CLMN: variants seen among roughly 807,000 people sequenced by gnomAD.
CLMN encodes the protein calmin, also known as calmin (calponin-like, transmembrane).
Under a neutral mutation model 92.7 loss-of-function variants are expected in CLMN, and 57 were observed. The ratio of observed to expected loss-of-function variants is 0.61; its 90% confidence interval spans 0.50 to 0.77. CLMN has a LOEUF of 0.77. Ranked by LOEUF, CLMN falls within the 30% of genes least tolerant of loss-of-function variation. The pLI, the probability that CLMN is intolerant of heterozygous loss-of-function variation, is 0.00. For missense variants in CLMN, 1,158 were observed against 1,237.5 expected, an observed-to-expected ratio of 0.94 and a Z score of 0.96; for synonymous variants, 466 against 470.6, an observed-to-expected ratio of 0.99 and a Z score of 0.13.
At chr14:95,238,699 G>C (rs1023055415) in intron 1 of CLMN, among the ~76,000 whole-genome samples, 1 of 152,194 alleles carries the variant, frequency 6.6e-6, no homozygotes, top group Non-Finnish European at 1.5e-5. Flanking sequence ...AGGGCACAGA[G>C]TGAGTAACCT....
intron 2 of CLMN, among the ~76,000 whole-genome samples, chr14:95,227,761 C>A (rs1051189813): frequency 6.6e-6 from 1 of 152,182 alleles, no homozygotes; most frequent in Non-Finnish European, 1.5e-5. Context: ...ATAAACAGCA[C>A]CCCCAGGGCT....
chr14:95,245,212 A>T (rs1426774965), intron 1 of CLMN, among the ~76,000 whole-genome samples: 3 of 30,994 alleles, frequency 9.7e-5, no homozygotes, highest in Non-Finnish European at 1.5e-4. Flanking sequence ...TATATATTAT[A>T]TATATATATA....
chr14:95,193,040 A>G, intron 12 of CLMN: 1 of 348,644 alleles, frequency 2.9e-6, no homozygotes, highest in Non-Finnish European at 5.1e-6. Context: ...ATGGGGTTCT[A>G]ATGACCACAC....
At chr14:95,301,260 G>T (rs1450717992) in intron 1 of CLMN, among the ~76,000 whole-genome samples, 1 of 152,190 alleles carries the variant, frequency 6.6e-6, no homozygotes, top group African/African-American at 2.4e-5. Context: ...CGAGAGTGGG[G>T]ACAGCTCTTT....
intron 1 of CLMN, among the ~76,000 whole-genome samples, chr14:95,254,603 T>C (rs1471372147): frequency 2.0e-5 from 3 of 152,222 alleles, no homozygotes; most frequent in Admixed American, 6.5e-5. Flanking sequence ...TGACGTGTTA[T>C]GGGCTGAACG....
chr14:95,291,400 G>A (rs1040596238), intron 1 of CLMN, among the ~76,000 whole-genome samples: 1 of 152,222 alleles, frequency 6.6e-6, no homozygotes, highest in South Asian at 2.1e-4. Flanking sequence ...ACCTGGGACC[G>A]CATGCTGCCT....
intron 1 of CLMN, among the ~76,000 whole-genome samples, chr14:95,268,877 C>A (rs2140717029): frequency 7.0e-6 from 1 of 143,020 alleles, no homozygotes; most frequent in East Asian, 2.2e-4. Context: ...AATCTTGGCT[C>A]ACTGCAACCT....
intron 1 of CLMN, among the ~76,000 whole-genome samples, chr14:95,251,745 C>G (rs772490587): frequency 1.3e-5 from 2 of 152,232 alleles, no homozygotes; most frequent in Admixed American, 6.5e-5. Context: ...ATTGTGGGGC[C>G]TTTGCTGGTG....
At chr14:95,267,372 G>T (rs996748011) in intron 1 of CLMN, among the ~76,000 whole-genome samples, 1 of 152,106 alleles carries the variant, frequency 6.6e-6, no homozygotes, top group Non-Finnish European at 1.5e-5. Context: ...ATGGGCAAAG[G>T]ACACAAGTAG....
chr14:95,239,252 T>G (rs1369024413), intron 1 of CLMN, among the ~76,000 whole-genome samples: 3 of 152,110 alleles, frequency 2.0e-5, no homozygotes, highest in South Asian at 2.1e-4. Context: ...TTGATGACTA[T>G]ACTCAGGCAT....
At chr14:95,298,494 G>T (rs1465446293) in intron 1 of CLMN, among the ~76,000 whole-genome samples, 3 of 152,212 alleles carry the variant, frequency 2.0e-5, no homozygotes, top group Non-Finnish European at 4.4e-5. Flanking sequence ...GAGAGGGTCA[G>T]TCATACAAAG....
intron 6 of CLMN, among the ~76,000 whole-genome samples, chr14:95,212,935 G>C (rs1457439987): frequency 6.6e-6 from 1 of 151,820 alleles, no homozygotes; most frequent in Non-Finnish European, 1.5e-5. Context: ...ACAGGTGCCC[G>C]CCACCACGCC....
intron 1 of CLMN, among the ~76,000 whole-genome samples, chr14:95,247,482 C>T (rs541127527): frequency 6.6e-6 from 1 of 152,328 alleles, no homozygotes; most frequent in African/African-American, 2.4e-5. Context: ...TGCTGGTTGT[C>T]GGATCTCTGC....
intron 1 of CLMN, among the ~76,000 whole-genome samples, chr14:95,298,895 C>T (rs185774519): frequency 3.3e-5 from 5 of 152,328 alleles, no homozygotes; most frequent in African/African-American, 1.2e-4. Context: ...GTTCTCCCGA[C>T]TCTAAGGCAT....
rs191152554 is a variant in CLMN, at chr14:95,259,176, G to A, written c.83-29043C>T. Among the ~76,000 whole-genome samples, 118 of 152,170 alleles carry A rather than the reference G, an allele frequency of 7.8e-4. 1 individual carries two copies. The highest frequency in any genetic ancestry group is 2.8e-3 in the African/African-American group (118 of 41,482). On this transcript the variant is annotated intron_variant, in intron 1 of 12. Transcript: ENST00000298912. The surrounding 1 kb of genome is among the most constrained non-coding windows in gnomAD (Gnocchi z 4.3). Reference sequence around the variant, plus strand: ...AGTTGGTGCTGCATGGCAGGCTGGAGCGGAGAGCTGTGCCGGCCAGCAGGG... The same window carrying A: ...AGTTGGTGCTGCATGGCAGGCTGGAACGGAGAGCTGTGCCGGCCAGCAGGG...
At chr14:95,208,485 CTT>C (rs1897106788) in intron 8 of CLMN, among the ~76,000 whole-genome samples, 1 of 152,138 alleles carries the variant, frequency 6.6e-6, no homozygotes. Flanking sequence ...TGATCATTGT[CTT>C]TTATGATTTG....
At chr14:95,272,261 G>A (rs1899739905) in intron 1 of CLMN, among the ~76,000 whole-genome samples, 1 of 152,202 alleles carries the variant, frequency 6.6e-6, no homozygotes, top group Non-Finnish European at 1.5e-5. Context: ...CTGCCAGGAG[G>A]GTGTGGGCTG....
chr14:95,208,668 G>T (rs569038207), intron 8 of CLMN, among the ~76,000 whole-genome samples: 1 of 152,152 alleles, frequency 6.6e-6, no homozygotes, highest in Non-Finnish European at 1.5e-5. Flanking sequence ...CTTAATGCAC[G>T]TTACATGTAA....
chr14:95,221,758 G>T lies in CLMN; in HGVS notation c.257C>A (p.Ser86Tyr), dbSNP rs780094622. ...SGRNLLHEYK[S>Y]SSHRIFRLNN... ...CAACCGAAAAATACGATGCGACGAG[G>T]ATTTGTATTCGTGCAGCTATAAAAC... The change falls in exon 4 of 13, where the codon TCC becomes TAC. Residue 86 changes from serine to tyrosine, a missense_variant. Ser to Tyr is a moderately radical substitution (Grantham distance 144). Coordinates refer to ENST00000298912, the MANE Select transcript of CLMN (RefSeq NM_024734.4). 21 of 1,614,068 alleles carry T rather than the reference G, an allele frequency of 1.3e-5. No individual in the cohort carries two copies. Among genetic ancestry groups the T allele is most frequent in the Non-Finnish European group, 1.4e-5 (17 of 1,180,032 alleles).
Sources: gnomAD v4.1 joint callset for allele counts (sites outside exome capture counted in the v4.1 genomes callset) on GRCh38, gnomAD v4.1.1 for gene constraint, Gnocchi (gnomAD v3.1) non-coding constraint, MANE v1.5 for transcripts, NCBI Gene and HGNC (gene_info 2026-07-23, HGNC 2026-07-21) for gene names.